Variants in KHDRBS2 observed in about 807,000 individuals in gnomAD.
KHDRBS2 encodes KH RNA binding domain containing, signal transduction associated 2.
Under a neutral mutation model 44.3 loss-of-function variants are expected in KHDRBS2, and 26 were observed. The observed-to-expected ratio is 0.59, with a 90% CI of 0.43 to 0.81. The LOEUF is 0.81. KHDRBS2 is among the 40% of genes least tolerant of loss of function. The pLI is 0.00. For synonymous variants in KHDRBS2, 194 were observed against 151.1 expected (o/e 1.28, Z -2.08); for missense variants, 476 against 433.1 (o/e 1.10, Z -0.88).
chr6:61,559,886 G>A, the KHDRBS2 span, among the ~76,000 whole-genome samples: 3 of 152,006 alleles, frequency 2.0e-5, no homozygotes, highest in African/African-American at 7.2e-5. Flanking sequence ...TTGTTTTTCT[G>A]TGTTTACAGT....
At chr6:61,776,491 A>C (rs1458093638) in intron 6 of KHDRBS2, among the ~76,000 whole-genome samples, 1 of 152,232 alleles carries the variant, frequency 6.6e-6, no homozygotes, top group Non-Finnish European at 1.5e-5. Flanking sequence ...ATGAACAGAC[A>C]CTTCTCAAAA....
At chr6:61,570,048 T>A in the KHDRBS2 span, among the ~76,000 whole-genome samples, 1 of 152,018 alleles carries the variant, frequency 6.6e-6, no homozygotes, top group Non-Finnish European at 1.5e-5. Context: ...TCACACTAGA[T>A]CTTCAGCAAT....
At chr6:62,037,131 A>G (rs1785451515) in intron 3 of KHDRBS2, among the ~76,000 whole-genome samples, 1 of 151,970 alleles carries the variant, frequency 6.6e-6, no homozygotes, top group Admixed American at 6.6e-5. Context: ...AAGTTTCTAC[A>G]TAGTTTCTTT....
At chr6:61,584,934 T>C in the KHDRBS2 span, among the ~76,000 whole-genome samples, 1 of 151,976 alleles carries the variant, frequency 6.6e-6, no homozygotes, top group Non-Finnish European at 1.5e-5. Flanking sequence ...CTGTTGCAAA[T>C]TTTCTTTTTC....
At chr6:62,254,691 A>G (rs936325228) in intron 1 of KHDRBS2, among the ~76,000 whole-genome samples, 1 of 152,036 alleles carries the variant, frequency 6.6e-6, no homozygotes, top group Admixed American at 6.6e-5. Flanking sequence ...TGAACGTGGT[A>G]TGAAATCAGG....
chr6:62,206,360 T>TA (rs1384840009), intron 1 of KHDRBS2, among the ~76,000 whole-genome samples: 4 of 152,112 alleles, frequency 2.6e-5, no homozygotes, highest in African/African-American at 9.6e-5. Context: ...CGTTCTTTGG[T>TA]AAAAAGAAAC....
intron 2 of KHDRBS2, among the ~76,000 whole-genome samples, chr6:62,101,817 T>A (rs1801964400): frequency 6.6e-6 from 1 of 152,216 alleles, no homozygotes; most frequent in Non-Finnish European, 1.5e-5. Flanking sequence ...TCAATGCAAA[T>A]ACCACATGAC....
intron 3 of KHDRBS2, among the ~76,000 whole-genome samples, chr6:61,996,594 C>T (rs969807417): frequency 5.3e-5 from 8 of 152,062 alleles, no homozygotes; most frequent in African/African-American, 1.9e-4. Context: ...AATGTTCCTC[C>T]TCTGAAAAGG....
chr6:61,906,625 T>C (rs570597076), intron 4 of KHDRBS2, among the ~76,000 whole-genome samples: 100 of 152,272 alleles, frequency 6.6e-4, no homozygotes, highest in African/African-American at 2.2e-3. Flanking sequence ...AATTTTTAGC[T>C]CTCACATATG....
the KHDRBS2 span, among the ~76,000 whole-genome samples, chr6:61,569,958 T>C: frequency 4.6e-5 from 7 of 152,114 alleles, no homozygotes; most frequent in East Asian, 1.4e-3. Context: ...TCCACTGAAA[T>C]AGTCTACCCA....
chr6:62,121,009 G>A (rs559747790), intron 2 of KHDRBS2, among the ~76,000 whole-genome samples: 134 of 152,276 alleles, frequency 8.8e-4, no homozygotes, highest in African/African-American at 3.1e-3. Context: ...GGACCAAAAT[G>A]TCACTGTGGT....
the KHDRBS2 span, among the ~76,000 whole-genome samples, chr6:61,554,261 T>A: frequency 6.6e-6 from 1 of 152,190 alleles, no homozygotes; most frequent in African/African-American, 2.4e-5. Flanking sequence ...ATGCACTTCC[T>A]TGTTTCATTT....
rs142765154 is a variant in KHDRBS2 at position 61,922,584 on chromosome 6, T to A, written c.484-21213A>T. ...GAAAAGACTAGAAGGAACAGTTCAC[T>A]GCACTCACAGGGAACCAGGAGTGGA... On this transcript the variant is annotated intron_variant, in intron 4 of 8. Coordinates refer to ENST00000281156, the MANE Select transcript of KHDRBS2 (RefSeq NM_152688.4). 1.6e-3 allele frequency among the ~76,000 whole-genome samples: 249 copies of A among 152,170 alleles called. 2 individuals are homozygous for A. Among genetic ancestry groups the A allele is most frequent in the African/African-American group, 5.7e-3 (235 of 41,538 alleles).
At chr6:62,072,267 T>C (rs1213417476) in intron 2 of KHDRBS2, among the ~76,000 whole-genome samples, 3 of 152,198 alleles carry the variant, frequency 2.0e-5, no homozygotes, top group African/African-American at 7.2e-5. Flanking sequence ...TTTCTAGATA[T>C]ACAATCATGT....
intron 6 of KHDRBS2, among the ~76,000 whole-genome samples, chr6:61,787,366 TCA>T (rs895460964): frequency 6.6e-6 from 1 of 151,700 alleles, no homozygotes; most frequent in African/African-American, 2.4e-5. Context: ...TTCACTATGA[TCA>T]CAGTTTCAAC....
At chr6:61,672,919 C>T in the KHDRBS2 span, among the ~76,000 whole-genome samples, 12 of 151,534 alleles carry the variant, frequency 7.9e-5, no homozygotes, top group African/African-American at 2.7e-4. Flanking sequence ...GAAGCCCTTG[C>T]CCATGCCTAT....
chr6:61,636,046 G>T, the KHDRBS2 span, among the ~76,000 whole-genome samples: 1 of 151,962 alleles, frequency 6.6e-6, no homozygotes, highest in Admixed American at 6.6e-5. Context: ...ATCCTATGCT[G>T]GGAAATACAT....
In KHDRBS2 at chr6:61,967,349, A is replaced by T. The variant is rs144529524; in HGVS notation, c.483+10717T>A. ...GAGAGAAAAGACAGTCATTTATTTG[A>T]AAGTGCTTGGAAATGTAAGCCATTT... On this transcript the variant is annotated intron_variant, in intron 4 of 8. Transcript: ENST00000281156. Among the ~76,000 whole-genome samples, 462 of 152,180 alleles carry T rather than the reference A, an allele frequency of 3.0e-3. 5 individuals carry two copies. The highest frequency in any genetic ancestry group is 2.5e-3 in the Non-Finnish European group (171 of 67,970).
At chr6:62,128,755 A>C (rs1378235662) in intron 2 of KHDRBS2, among the ~76,000 whole-genome samples, 1 of 152,034 alleles carries the variant, frequency 6.6e-6, no homozygotes, top group East Asian at 1.9e-4. Flanking sequence ...CACAGAATTA[A>C]TCTTTCCTTC....
Sources: gnomAD v4.1 joint callset for allele counts (sites outside exome capture counted in the v4.1 genomes callset) on GRCh38, gnomAD v4.1.1 for gene constraint, MANE v1.5 for transcripts, NCBI Gene and HGNC (gene_info 2026-07-23, HGNC 2026-07-21) for gene names.